Variants in SNX8 observed in about 807,000 individuals in gnomAD.
SNX8 encodes sorting nexin 8.
In SNX8, 25 loss-of-function variants were observed where a neutral mutation model predicts 51.6. That is an observed-to-expected ratio of 0.48 (90% CI 0.35 to 0.68). SNX8 has a LOEUF of 0.68. Among genes scored for constraint, SNX8 ranks in the 30% least tolerant of loss-of-function variants. The pLI is 0.00. For missense variants in SNX8, 695 were observed against 624.0 expected (o/e 1.11, Z -1.21); for synonymous variants, 324 against 277.0 (o/e 1.17, Z -1.68).
intron 1 of SNX8, among the ~76,000 whole-genome samples, chr7:2,311,781 CA>C (rs1458105333): frequency 6.6e-6 from 1 of 151,364 alleles, no homozygotes; most frequent in Admixed American, 6.6e-5. Flanking sequence ...ACTAAAAATA[CA>C]AAAAATTAGC....
chr7:2,321,646 C>T (rs923178682), intron 1 of SNX8, among the ~76,000 whole-genome samples: 4 of 150,862 alleles, frequency 2.7e-5, no homozygotes, highest in Non-Finnish European at 4.4e-5. Context: ...GATCTCCTTA[C>T]CTTGTGATCC....
intron 1 of SNX8, among the ~76,000 whole-genome samples, chr7:2,321,924 A>G (rs1778527133): frequency 6.6e-6 from 1 of 150,472 alleles, no homozygotes; most frequent in African/African-American, 2.4e-5. Flanking sequence ...AGCTTTCACC[A>G]TATTGGCCAA....
At chr7:2,304,401 A>G (rs547960659) in intron 1 of SNX8, among the ~76,000 whole-genome samples, 101 of 151,552 alleles carry the variant, frequency 6.7e-4, no homozygotes, top group East Asian at 1.8e-3. Flanking sequence ...AAAATTAGCC[A>G]GGCGTGGTGG....
Position 2,257,723 on chromosome 7 carries a change from G to A in SNX8, c.984+12C>T. 2 of 1,612,822 alleles carry A rather than the reference G, an allele frequency of 1.2e-6. No homozygotes were observed. The highest frequency in any genetic ancestry group is 1.7e-6 in the Non-Finnish European group (2 of 1,178,954). On this transcript the variant is annotated intron_variant, in intron 8 of 10. Coordinates refer to ENST00000222990, the MANE Select transcript of SNX8 (RefSeq NM_013321.4). ...AAGTTCTGCCCCCAGCCAAGGAGCA[G>A]CCAAGACTCACCTTATAGGACTGCA...
At position 2,305,510 on chromosome 7, in the gene SNX8, C is replaced by A. The variant is rs1255064744; in HGVS notation, c.94+8818G>T. Among the ~76,000 whole-genome samples the A allele has an allele frequency of 3.3e-5, 5 of 151,868 alleles. No homozygotes were observed. In the East Asian group the frequency reaches 7.8e-4, roughly 24 times the overall value. Reference sequence around the variant, plus strand: ...TCCCAAGTAGCTGGGATTACAGGCACCCGCCACCACACCTGGCTAATGTTT... The same window carrying A: ...TCCCAAGTAGCTGGGATTACAGGCAACCGCCACCACACCTGGCTAATGTTT... On this transcript the variant is annotated intron_variant, in intron 1 of 10. Coordinates refer to ENST00000222990, the MANE Select transcript of SNX8 (RefSeq NM_013321.4).
At chr7:2,278,709 C>G (rs540755113) in intron 1 of SNX8, among the ~76,000 whole-genome samples, 11 of 114,442 alleles carry the variant, frequency 9.6e-5, no homozygotes, top group African/African-American at 3.3e-4. Flanking sequence ...CGGACTCACT[C>G]ACACTACGGA....
chr7:2,277,904 G>T (rs1211129263), intron 2 of SNX8, among the ~76,000 whole-genome samples, 196 bp downstream of exon 2: 1 of 152,068 alleles, frequency 6.6e-6, no homozygotes, highest in Non-Finnish European at 1.5e-5. Flanking sequence ...GGGCCAGAGT[G>T]AGGTGCGGGG....
intron 2 of SNX8, among the ~76,000 whole-genome samples, chr7:2,277,106 G>A (rs1004861302): frequency 6.6e-6 from 1 of 152,206 alleles, no homozygotes; most frequent in Non-Finnish European, 1.5e-5. Context: ...AATCCCACAA[G>A]CCCTGCTGAC....
At position 2,288,950 on chromosome 7, in the gene SNX8, T is replaced by A. The variant is rs544379251; in HGVS notation, c.95-10645A>T. Among the ~76,000 whole-genome samples the A allele has an allele frequency of 2.0e-5, 3 of 152,314 alleles. No individual in the cohort carries two copies. In the South Asian group the frequency reaches 6.2e-4, roughly 32 times the overall value. On this transcript the variant is annotated intron_variant, in intron 1 of 10. Coordinates refer to ENST00000222990, the MANE Select transcript of SNX8 (RefSeq NM_013321.4). ...TGAGGTTTCCCCATGTTGCTCAGGC[T>A]GGTCTCCAACTCCGAGTCTCAAGCA...
intron 1 of SNX8, among the ~76,000 whole-genome samples, chr7:2,302,038 C>T (rs1220928523): frequency 6.6e-6 from 1 of 152,058 alleles, no homozygotes; most frequent in Admixed American, 6.6e-5. Flanking sequence ...GTCAAGAGAT[C>T]GAGACCATCC....
chr7:2,346,923 A>G (rs1218079687), intron 1 of SNX8, among the ~76,000 whole-genome samples: 1 of 135,082 alleles, frequency 7.4e-6, no homozygotes, highest in Non-Finnish European at 1.5e-5. Context: ...CTCCGTCTCA[A>G]AAAAAAAAAA....
At chr7:2,338,512 G>A (rs988173244) in intron 1 of SNX8, among the ~76,000 whole-genome samples, 6 of 150,772 alleles carry the variant, frequency 4.0e-5, no homozygotes, top group Non-Finnish European at 7.4e-5. Context: ...GCGCAAGCCT[G>A]TAGTCCCAGC....
intron 9 of SNX8, 51 bp downstream of exon 9, chr7:2,257,314 G>T: frequency 6.4e-7 from 1 of 1,571,950 alleles, no homozygotes; most frequent in Non-Finnish European, 8.6e-7. Flanking sequence ...TCCCACCATG[G>T]CCGGGAGGGG....
intron 1 of SNX8, among the ~76,000 whole-genome samples, chr7:2,325,637 G>C (rs1418516143): frequency 6.6e-6 from 1 of 151,892 alleles, no homozygotes; most frequent in Non-Finnish European, 1.5e-5. Context: ...AGACCAGCTT[G>C]GGCAACATGG....
chr7:2,303,204 C>T (rs1210036479), intron 1 of SNX8, among the ~76,000 whole-genome samples: 3 of 149,028 alleles, frequency 2.0e-5, no homozygotes, highest in Admixed American at 6.7e-5. Context: ...CCCCTCTGCC[C>T]GGCCAGCCGC....
At chr7:2,270,349 G>A (rs565020535) in intron 4 of SNX8, among the ~76,000 whole-genome samples, 2 of 116,060 alleles carry the variant, frequency 1.7e-5, no homozygotes, top group East Asian at 2.5e-4. Context: ...AAAGACCTGA[G>A]GCCCAGCATG....
chr7:2,309,703 C>A, intron 1 of SNX8: 1 of 444,732 alleles, frequency 2.2e-6, no homozygotes. Context: ...CGCACTCCAG[C>A]CTGGACAACA....
intron 1 of SNX8, among the ~76,000 whole-genome samples, chr7:2,335,070 C>T (rs995400493): frequency 6.6e-6 from 1 of 151,048 alleles, no homozygotes; most frequent in African/African-American, 2.4e-5. Flanking sequence ...GTTGTGTGCG[C>T]CTGTAATCCC....
chr7:2,299,944 T>C (rs1019392669), intron 1 of SNX8, among the ~76,000 whole-genome samples: 1 of 152,146 alleles, frequency 6.6e-6, no homozygotes, highest in Admixed American at 6.6e-5. Flanking sequence ...TTGATTGATC[T>C]ATGGCAAGCA....
Sources: allele counts gnomAD v4.1 joint callset (sites outside exome capture counted in the v4.1 genomes callset), GRCh38; gene constraint gnomAD v4.1.1; transcripts MANE v1.5; gene names NCBI Gene and HGNC (gene_info 2026-07-23, HGNC 2026-07-21).